Variants in SEMA3D observed in about 807,000 individuals in gnomAD.
SEMA3D encodes the protein semaphorin 3D.
In SEMA3D, 84 loss-of-function variants were observed where a neutral mutation model predicts 100.1. The observed-to-expected ratio is 0.84, with a 90% confidence interval of 0.70 to 1.01. SEMA3D has a LOEUF of 1.01. SEMA3D is among the 50% of genes least tolerant of loss of function. The pLI, the probability that SEMA3D is intolerant of heterozygous loss-of-function variation, is 0.00. For missense variants in SEMA3D, 875 were observed against 934.1 expected, an observed-to-expected ratio of 0.94 and a Z score of 0.82; for synonymous variants, 312 against 320.7, an observed-to-expected ratio of 0.97 and a Z score of 0.29.
chr7:85,170,472 T>G (rs1791054549), intron 1 of SEMA3D, among the ~76,000 whole-genome samples: 1 of 151,900 alleles, frequency 6.6e-6, no homozygotes, highest in African/African-American at 2.4e-5. Flanking sequence ...AAGGTTTGAA[T>G]CTCAGGGAAT....
intron 3 of SEMA3D, among the ~76,000 whole-genome samples, chr7:85,105,055 A>G (rs1484360740): frequency 1.3e-5 from 2 of 152,098 alleles, no homozygotes; most frequent in Non-Finnish European, 2.9e-5. Flanking sequence ...TTCAGGAAAT[A>G]GCAGTTTTAT....
At chr7:85,042,725 C>A (rs908223679) in intron 9 of SEMA3D, among the ~76,000 whole-genome samples, 1 of 151,976 alleles carries the variant, frequency 6.6e-6, no homozygotes, top group African/African-American at 2.4e-5. Flanking sequence ...CAAGCTGGAG[C>A]GCAGTAATTA....
chr7:85,169,791 C>A (rs1791035251), intron 1 of SEMA3D, among the ~76,000 whole-genome samples: 1 of 151,298 alleles, frequency 6.6e-6, no homozygotes, highest in Non-Finnish European at 1.5e-5. Context: ...TTTGCAGATA[C>A]AAAACAACTA....
chr7:85,238,064 G>A, the SEMA3D span, among the ~76,000 whole-genome samples: 2 of 152,222 alleles, frequency 1.3e-5, no homozygotes, highest in East Asian at 3.9e-4. Context: ...TACATTTTTT[G>A]ATGATGTATC....
chr7:85,236,418 C>A, the SEMA3D span, among the ~76,000 whole-genome samples: 3 of 151,796 alleles, frequency 2.0e-5, no homozygotes, highest in Middle Eastern at 3.5e-3. Flanking sequence ...AGCAATGCTC[C>A]TGTCTCAGCC....
intron 12 of SEMA3D, among the ~76,000 whole-genome samples, chr7:85,035,218 TATATG>T (rs1790660515): frequency 2.0e-5 from 3 of 151,272 alleles, no homozygotes; most frequent in South Asian, 2.1e-4. Flanking sequence ...TATAAATGTA[TATATG>T]ATATATGATA....
upstream of SEMA3D, among the ~76,000 whole-genome samples, chr7:85,188,250 A>G (rs1347868903): frequency 6.6e-6 from 1 of 152,190 alleles, no homozygotes; most frequent in Non-Finnish European, 1.5e-5. Flanking sequence ...CAGGCTAAGG[A>G]AAGGCTCAGG....
chr7:85,185,552 G>T (rs1791515653), intron 1 of SEMA3D, among the ~76,000 whole-genome samples: 1 of 152,196 alleles, frequency 6.6e-6, no homozygotes, highest in Admixed American at 6.5e-5. Context: ...ATCGCTGAAA[G>T]TTCGGCTATT....
At chr7:85,231,241 G>A in the SEMA3D span, among the ~76,000 whole-genome samples, 4 of 151,758 alleles carry the variant, frequency 2.6e-5, no homozygotes, top group African/African-American at 9.7e-5. Context: ...TTTATCGTAC[G>A]TATCCATCTT....
chr7:85,232,636 G>A, the SEMA3D span, among the ~76,000 whole-genome samples: 6 of 152,002 alleles, frequency 3.9e-5, no homozygotes, highest in Admixed American at 1.3e-4. Context: ...TTTTATTGTC[G>A]TATCATTTTT....
the SEMA3D span, among the ~76,000 whole-genome samples, chr7:85,204,347 TAA>T: frequency 8.3e-5 from 12 of 144,144 alleles, no homozygotes; most frequent in Non-Finnish European, 1.1e-4. Context: ...CTAATACAGT[TAA>T]AAAAAAAAAA....
chr7:85,159,242 A>G (rs1247273929), intron 1 of SEMA3D, among the ~76,000 whole-genome samples: 1 of 152,152 alleles, frequency 6.6e-6, no homozygotes, highest in South Asian at 2.1e-4. Flanking sequence ...TTTCCAGGCC[A>G]TCATCTTCAA....
intron 4 of SEMA3D, among the ~76,000 whole-genome samples, chr7:85,088,725 TTTTTG>T (rs897171320): frequency 1.3e-5 from 2 of 152,092 alleles, no homozygotes; most frequent in African/African-American, 2.4e-5. Context: ...TAATTCTCCA[TTTTTG>T]TTTTGTTTTG....
chr7:85,007,227 T>A (rs1025935950), intron 17 of SEMA3D, among the ~76,000 whole-genome samples: 1 of 151,908 alleles, frequency 6.6e-6, no homozygotes, highest in African/African-American at 2.4e-5. Flanking sequence ...TATATTGAGA[T>A]TTTTTTCTTT....
intron 9 of SEMA3D, among the ~76,000 whole-genome samples, chr7:85,050,072 A>AACACACACACAC (rs55849524): frequency 4.4e-5 from 6 of 137,018 alleles, no homozygotes; most frequent in African/African-American, 1.4e-4. Flanking sequence ...CTTGAAGGGA[A>AACACACACACAC]ACACACACAC....
chr7:85,201,015 A>G, the SEMA3D span, among the ~76,000 whole-genome samples: 2 of 152,066 alleles, frequency 1.3e-5, no homozygotes, highest in Non-Finnish European at 2.9e-5. Context: ...ACCAGCAATA[A>G]TAGGTAATTT....
chr7:85,169,823 A>T (rs898930731), intron 1 of SEMA3D, among the ~76,000 whole-genome samples: 1 of 151,768 alleles, frequency 6.6e-6, no homozygotes, highest in Non-Finnish European at 1.5e-5. Context: ...GCTAGGTATC[A>T]CACAGAATGA....
At chr7:85,015,300 C>A in intron 15 of SEMA3D, 84 bp from the exon 16 acceptor site, 1 of 1,296,340 alleles carries the variant, frequency 7.7e-7, no homozygotes, top group Non-Finnish European at 1.1e-6. Flanking sequence ...TCACATAATA[C>A]ATATAAATCT....
At chr7:85,041,611 G>A (rs748914104) in intron 10 of SEMA3D, 1 of 152,092 alleles carries the variant, frequency 6.6e-6, no homozygotes, top group Admixed American at 6.6e-5. Context: ...AGTTCAAGAA[G>A]CTAAAAGCTA....
Sources: allele counts gnomAD v4.1 joint callset (sites outside exome capture counted in the v4.1 genomes callset), GRCh38; gene constraint gnomAD v4.1.1; transcripts MANE v1.5; gene names NCBI Gene and HGNC (gene_info 2026-07-23, HGNC 2026-07-21).